Variants in ABR observed in about 807,000 individuals in gnomAD.
The protein encoded by ABR is ABR activator of RhoGEF and GTPase, also known as active breakpoint cluster region-related protein.
ABR carries 35 observed loss-of-function variants against 107.2 expected under a neutral mutation model. The observed-to-expected ratio is 0.33, with a 90% CI of 0.25 to 0.43. The LOEUF (loss-of-function observed/expected upper bound fraction) is 0.43, where lower values mean the gene tolerates loss of function less well. ABR is among the 20% of genes least tolerant of loss of function. The pLI is 1.00. For missense variants in ABR, 815 were observed against 1,115.2 expected, an observed-to-expected ratio of 0.73 and a Z score of 3.83; for synonymous variants, 498 against 462.0, an observed-to-expected ratio of 1.08 and a Z score of -1.00.
intron 6 of ABR, among the ~76,000 whole-genome samples, chr17:1,074,642 C>T (rs917818669): frequency 2.0e-5 from 3 of 152,256 alleles, no homozygotes; most frequent in South Asian, 2.1e-4. Flanking sequence ...AAGACCCCTC[C>T]CCACATCCTC....
intron 1 of ABR, among the ~76,000 whole-genome samples, chr17:1,213,116 G>A (rs112714497): frequency 6.6e-6 from 1 of 152,172 alleles, no homozygotes; most frequent in South Asian, 2.1e-4. Flanking sequence ...GCCCAGAAAC[G>A]AAAGCTGGTT....
At chr17:1,193,021 C>T (rs1485208269) in intron 1 of ABR, among the ~76,000 whole-genome samples, 3 of 152,170 alleles carry the variant, frequency 2.0e-5, no homozygotes, top group Admixed American at 2.0e-4. Context: ...GCACTCCAGC[C>T]TGAGCAAAAA....
intron 4 of ABR, among the ~76,000 whole-genome samples, chr17:1,085,680 G>A (rs918992771): frequency 2.6e-5 from 4 of 152,052 alleles, no homozygotes; most frequent in East Asian, 1.9e-4. Flanking sequence ...GAGACGTGCC[G>A]GACATGTAAA....
At chr17:1,059,870 C>T (rs2257798) in intron 10 of ABR, among the ~76,000 whole-genome samples, 31,635 of 152,110 alleles carry the variant, frequency 0.21, 3,486 homozygotes, top group South Asian at 0.25. Flanking sequence ...CTGTGGGGGA[C>T]AGTCACCCTC....
intron 21 of ABR, 47 bp from the exon 22 acceptor site, chr17:1,007,359 A>G: frequency 6.2e-7 from 1 of 1,609,512 alleles, no homozygotes; most frequent in South Asian, 1.1e-5. Context: ...CTCAGCAGCC[A>G]CTCGGAGCTC....
intron 1 of ABR, among the ~76,000 whole-genome samples, chr17:1,161,948 C>A (rs1047093197): frequency 2.0e-5 from 3 of 152,212 alleles, no homozygotes; most frequent in Admixed American, 6.5e-5. Flanking sequence ...AGCACCCATT[C>A]CCCTGGGAGC....
At position 1,071,455 on chromosome 17, in the gene ABR, C is replaced by G. The variant is rs562169157; in HGVS notation, c.894+1159G>C. On this transcript the variant is annotated intron_variant, in intron 8 of 22. Transcript: ENST00000302538. The surrounding 1 kb of genome is among the most constrained non-coding windows in gnomAD (Gnocchi z 5.1). Reference sequence around the variant, plus strand: ...GGACAGGAAGCCTTTCACCCGGGCCCGGCTGCCAATCCACGAAGGCAACTG... The same window carrying G: ...GGACAGGAAGCCTTTCACCCGGGCCGGGCTGCCAATCCACGAAGGCAACTG... Among the ~76,000 whole-genome samples the G allele has an allele frequency of 6.4e-3, 982 of 152,300 alleles. 16 individuals carry two copies. The highest frequency in any genetic ancestry group is 0.022 in the African/African-American group (923 of 41,560).
chr17:1,012,870 G>A, intron 17 of ABR, 73 bp from the exon 18 acceptor site: 6 of 1,337,500 alleles, frequency 4.5e-6, no homozygotes, highest in Non-Finnish European at 6.3e-6. Flanking sequence ...AAACACAGGG[G>A]TCCCCTCCCC....
intron 1 of ABR, among the ~76,000 whole-genome samples, chr17:1,136,099 T>C (rs1348096837): frequency 6.6e-6 from 1 of 152,212 alleles, no homozygotes; most frequent in African/African-American, 2.4e-5. Flanking sequence ...CCTGTCCTTC[T>C]GTCCTTTGAA....
chr17:1,128,939 T>C (rs79070896), intron 1 of ABR, among the ~76,000 whole-genome samples: 6,843 of 144,326 alleles, frequency 0.047, 756 homozygotes, highest in African/African-American at 0.19. Context: ...GGGGCGTTTT[T>C]ACATAAAAGA....
At chr17:1,065,350 A>ACAC (rs2034588212) in intron 10 of ABR, among the ~76,000 whole-genome samples, 1 of 42,374 alleles carries the variant, frequency 2.4e-5, no homozygotes. Context: ...GTTCCTCTAG[A>ACAC]TGCTGCTGTT....
chr17:1,163,305 G>C (rs2041380029), intron 1 of ABR, among the ~76,000 whole-genome samples: 1 of 152,220 alleles, frequency 6.6e-6, no homozygotes. Flanking sequence ...TGTCGACTCT[G>C]TATCGACCCT....
At chr17:1,038,758 C>A (rs1293074826) in intron 16 of ABR, among the ~76,000 whole-genome samples, 2 of 152,244 alleles carry the variant, frequency 1.3e-5, no homozygotes, top group Non-Finnish European at 2.9e-5. Context: ...CTAAAGGTGA[C>A]CCCCGCTCAG....
At chr17:1,182,035 G>C (rs987611854), upstream of ABR, 2 of 152,120 alleles carry the variant, frequency 1.3e-5, no homozygotes, top group African/African-American at 4.8e-5. Context: ...TTTCCTTCGC[G>C]TTGCCATAGT....
intron 1 of ABR, among the ~76,000 whole-genome samples, chr17:1,224,925 G>A (rs1168107998): frequency 1.3e-5 from 2 of 151,976 alleles, no homozygotes; most frequent in African/African-American, 2.4e-5. Flanking sequence ...TGAGATGGGC[G>A]GATCACAAAG....
In ABR at chr17:1,016,084, C is replaced by T. The variant is rs569738690; in HGVS notation, c.1792-2920G>A. 1.6e-4 allele frequency among the ~76,000 whole-genome samples: 24 copies of T among 152,260 alleles called. 3 individuals are homozygous for T. In the South Asian group the frequency reaches 4.1e-3, roughly 26 times the overall value. The stretch of plus-strand genomic sequence containing the variant: ...GTTCACATAAAGAAGTAGATGAGGT[C>T]GAAAAGAGTTTTATCACAGCCGCGT... On this transcript the variant is annotated intron_variant, in intron 16 of 22. Coordinates refer to ENST00000302538, the MANE Select transcript of ABR (RefSeq NM_021962.5).
chr17:1,026,993 C>T (rs1186707114), intron 16 of ABR, among the ~76,000 whole-genome samples: 1 of 150,506 alleles, frequency 6.6e-6, no homozygotes, highest in African/African-American at 2.4e-5. Context: ...TTCCAAAATG[C>T]CTGGGGCAGC....
rs921410196 is a variant in ABR at position 1,051,276 on chromosome 17, C to T, written c.1562-642G>A. 3.3e-5 allele frequency among the ~76,000 whole-genome samples: 5 copies of T among 152,196 alleles called. No individual in the cohort carries two copies. Among genetic ancestry groups the T allele is most frequent in the Admixed American group, 6.5e-5 (1 of 15,282 alleles). On this transcript the variant is annotated intron_variant, in intron 14 of 22. Transcript: ENST00000302538. The surrounding 1 kb of genome is among the most constrained non-coding windows in gnomAD (Gnocchi z 4.3). ...GTCCCTAGTCTCTCTCCCCCCACGACGTAAACACCATGTGGAGAGAAGCCT... is the reference window on the plus strand; with the variant it reads ...GTCCCTAGTCTCTCTCCCCCCACGATGTAAACACCATGTGGAGAGAAGCCT...
intron 1 of ABR, among the ~76,000 whole-genome samples, chr17:1,166,873 G>T (rs573952898): frequency 6.6e-6 from 1 of 152,124 alleles, no homozygotes; most frequent in Non-Finnish European, 1.5e-5. Context: ...ATGGTGGCAC[G>T]CGCCTGTAGT....
Sources: gnomAD v4.1 joint callset for allele counts (sites outside exome capture counted in the v4.1 genomes callset) on GRCh38, gnomAD v4.1.1 for gene constraint, Gnocchi (gnomAD v3.1) non-coding constraint, MANE v1.5 for transcripts, NCBI Gene and HGNC (gene_info 2026-07-23, HGNC 2026-07-21) for gene names.